SMAD3: variants seen among roughly 807,000 people sequenced by gnomAD.
SMAD3 encodes SMAD family member 3, also known as MAD homolog 3.
Under a neutral mutation model 51.8 loss-of-function variants are expected in SMAD3, and 12 were observed. The observed-to-expected ratio is 0.23, with a 90% CI of 0.15 to 0.38. SMAD3 has a LOEUF of 0.38. SMAD3 is among the 10% of genes least tolerant of loss of function. The pLI, the probability that SMAD3 is intolerant of heterozygous loss-of-function variation, is 1.00. For missense variants in SMAD3, 294 were observed against 565.6 expected, an observed-to-expected ratio of 0.52 and a Z score of 4.87; for synonymous variants, 238 against 227.7, an observed-to-expected ratio of 1.05 and a Z score of -0.41.
chr15:67,142,639 G>A, intron 1 of SMAD3: 1 of 279,092 alleles, frequency 3.6e-6, no homozygotes, highest in Non-Finnish European at 7.3e-6. Flanking sequence ...TGGACATCTG[G>A]TTTGTTTTGG....
chr15:67,177,421 G>GGTTTTTTTTTTT (rs1962931202), intron 5 of SMAD3, among the ~76,000 whole-genome samples: 1 of 6,910 alleles, frequency 1.4e-4, no homozygotes, highest in Non-Finnish European at 2.8e-4. Context: ...TAGTGTTTTG[G>GGTTTTTTTTTTT]GTTTTTTTTT....
chr15:67,164,881 C>T lies in SMAD3; in HGVS notation c.207-14C>T, dbSNP rs751255296. 2.5e-6 allele frequency: 4 copies of T among 1,612,470 alleles called. No homozygotes were observed. The Admixed American group carries it at 6.7e-5, about 27-fold the overall frequency. On this transcript the variant is annotated splice_polypyrimidine_tract_variant and intron_variant, in intron 1 of 8. Transcript: ENST00000327367. ...CACATTTCCCTCTCTTTCTGCCCCTCCCCGTCCTGGCAGGTCCCTGGATGG... is the reference window on the plus strand; with the variant it reads ...CACATTTCCCTCTCTTTCTGCCCCTTCCCGTCCTGGCAGGTCCCTGGATGG...
intron 1 of SMAD3, among the ~76,000 whole-genome samples, chr15:67,141,849 A>G (rs562795684): frequency 6.6e-6 from 1 of 152,280 alleles, no homozygotes; most frequent in South Asian, 2.1e-4. Context: ...AGTGCCCCAG[A>G]AAAGCCGATA....
chr15:67,078,961 T>C (rs1300985878), intron 1 of SMAD3, among the ~76,000 whole-genome samples: 1 of 151,880 alleles, frequency 6.6e-6, no homozygotes, highest in Non-Finnish European at 1.5e-5. Flanking sequence ...CTGTGAAATG[T>C]TTTGCAATGT....
intron 8 of SMAD3, among the ~76,000 whole-genome samples, chr15:67,189,870 A>G (rs1379983350): frequency 6.6e-6 from 1 of 152,072 alleles, no homozygotes; most frequent in African/African-American, 2.4e-5. Flanking sequence ...TTTCCAAAAT[A>G]AGGCCGTAGA....
intron 1 of SMAD3, among the ~76,000 whole-genome samples, chr15:67,105,515 C>T (rs1431727594): frequency 6.6e-6 from 1 of 152,208 alleles, no homozygotes; most frequent in East Asian, 1.9e-4. Context: ...TGAGCTTGGG[C>T]AGGGTGGCTG....
At chr15:67,177,459 A>G (rs1456624565) in intron 5 of SMAD3, among the ~76,000 whole-genome samples, 2 of 110,144 alleles carry the variant, frequency 1.8e-5, no homozygotes, top group South Asian at 3.0e-4. Context: ...GTCTTGCTCT[A>G]TCCCCCAGGC....
At chr15:67,177,655 T>C (rs2140309871) in intron 5 of SMAD3, among the ~76,000 whole-genome samples, 1 of 152,170 alleles carries the variant, frequency 6.6e-6, no homozygotes, top group East Asian at 1.9e-4. Flanking sequence ...AATCCTGACC[T>C]CAAGTGATCT....
At chr15:67,071,183 G>A (rs1960044867) in intron 1 of SMAD3, among the ~76,000 whole-genome samples, 1 of 152,166 alleles carries the variant, frequency 6.6e-6, no homozygotes, top group Non-Finnish European at 1.5e-5. Flanking sequence ...CCCATGAGAG[G>A]TGGAAAACTA....
At chr15:67,154,214 G>A (rs1017139114) in intron 1 of SMAD3, among the ~76,000 whole-genome samples, 1 of 152,216 alleles carries the variant, frequency 6.6e-6, no homozygotes, top group Non-Finnish European at 1.5e-5. Flanking sequence ...CTGGAGGATG[G>A]CATAGGGGGC....
intron 1 of SMAD3, among the ~76,000 whole-genome samples, chr15:67,123,188 CAAAAAA>C (rs34458678): frequency 6.4e-5 from 6 of 93,764 alleles, no homozygotes; most frequent in Admixed American, 1.1e-4. Context: ...GACCCTGTCT[CAAAAAA>C]AAAAAAAAAA....
chr15:67,146,545 G>A (rs1174928283), intron 1 of SMAD3, among the ~76,000 whole-genome samples: 1 of 152,164 alleles, frequency 6.6e-6, no homozygotes, highest in Non-Finnish European at 1.5e-5. Context: ...CTTAGGAGAG[G>A]GAATGTGTGT....
At chr15:67,103,221 A>G (rs1478048387) in intron 1 of SMAD3, among the ~76,000 whole-genome samples, 5 of 152,126 alleles carry the variant, frequency 3.3e-5, no homozygotes, top group Non-Finnish European at 5.9e-5. Context: ...ACCCCAGTGG[A>G]AGAGTTATAG....
At chr15:67,149,945 T>C (rs774039529) in intron 1 of SMAD3, among the ~76,000 whole-genome samples, 1 of 152,214 alleles carries the variant, frequency 6.6e-6, no homozygotes, top group Non-Finnish European at 1.5e-5. Flanking sequence ...AACATGGTCA[T>C]TTCCCACCCT....
intron 1 of SMAD3, among the ~76,000 whole-genome samples, chr15:67,102,506 T>C (rs1960783044): frequency 6.6e-6 from 1 of 152,132 alleles, no homozygotes; most frequent in Non-Finnish European, 1.5e-5. Flanking sequence ...TGGAGTGGAT[T>C]TGTGAGTGTT....
At chr15:67,169,794 G>C (rs1253876501) in intron 4 of SMAD3, among the ~76,000 whole-genome samples, 1 of 152,158 alleles carries the variant, frequency 6.6e-6, no homozygotes, top group Non-Finnish European at 1.5e-5. Flanking sequence ...GAACAGAGGA[G>C]CGGGGACGAG....
At chr15:67,163,702 C>G (rs981877247) in intron 1 of SMAD3, among the ~76,000 whole-genome samples, 1 of 152,164 alleles carries the variant, frequency 6.6e-6, no homozygotes, top group Non-Finnish European at 1.5e-5. Context: ...TTTGGCCTGG[C>G]TTGAGAGGTA....
intron 5 of SMAD3, among the ~76,000 whole-genome samples, chr15:67,173,224 C>G (rs1962800354): frequency 6.6e-6 from 1 of 151,936 alleles, no homozygotes; most frequent in Admixed American, 6.6e-5. Context: ...GGGGCCAGAG[C>G]TGGGAGAGCA....
intron 1 of SMAD3, among the ~76,000 whole-genome samples, chr15:67,139,127 A>T (rs909439608): frequency 2.6e-5 from 4 of 152,238 alleles, no homozygotes; most frequent in Non-Finnish European, 4.4e-5. Context: ...ACTTAAAAAC[A>T]GATTCTGGCG....
Sources: gnomAD v4.1 joint callset for allele counts (sites outside exome capture counted in the v4.1 genomes callset) on GRCh38, gnomAD v4.1.1 for gene constraint, MANE v1.5 for transcripts, NCBI Gene and HGNC (gene_info 2026-07-23, HGNC 2026-07-21) for gene names.